Variants in ZSWIM5 observed in about 807,000 individuals in gnomAD.
ZSWIM5 encodes the protein zinc finger SWIM-type containing 5.
In ZSWIM5, 55 loss-of-function variants were observed where a neutral mutation model predicts 119.6. That is an observed-to-expected ratio of 0.46 (90% CI 0.37 to 0.58). The LOEUF (loss-of-function observed/expected upper bound fraction) is 0.58. Among genes scored for constraint, ZSWIM5 ranks in the 20% least tolerant of loss-of-function variants. ZSWIM5 has a pLI of 0.00. For synonymous variants in ZSWIM5, 537 were observed against 606.9 expected (o/e 0.88, Z 1.69); for missense variants, 1,193 against 1,512.8 (o/e 0.79, Z 3.51).
At chr1:45,111,167 C>T (rs761125790) in intron 1 of ZSWIM5, among the ~76,000 whole-genome samples, 17 of 152,086 alleles carry the variant, frequency 1.1e-4, no homozygotes, top group East Asian at 1.9e-4. Flanking sequence ...CAGGCAGAAG[C>T]GACATTTGAG....
intron 11 of ZSWIM5, among the ~76,000 whole-genome samples, chr1:45,023,761 A>G (rs987963321): frequency 9.9e-5 from 15 of 152,216 alleles, no homozygotes; most frequent in African/African-American, 3.6e-4. Context: ...CAGTAATACT[A>G]TGTTGATCTT....
chr1:45,176,823 AC>A (rs1213180462), intron 1 of ZSWIM5, among the ~76,000 whole-genome samples: 5 of 151,924 alleles, frequency 3.3e-5, no homozygotes, highest in South Asian at 4.2e-4. Context: ...TCACCCCTAT[AC>A]AAAAGTCATC....
rs537136157 is a variant in ZSWIM5 at position 45,206,118 on chromosome 1, G to T, written c.233C>A (p.Ala78Glu). 2.7e-5 allele frequency: 44 copies of T among 1,611,444 alleles called. No homozygotes were observed. In the South Asian group the frequency reaches 4.4e-4, roughly 16 times the overall value. The change falls in exon 1 of 14, where the codon GCA becomes GAA. Residue 78 changes from alanine (A) to glutamate (E), a missense_variant. By Grantham distance (107) the Ala-to-Glu change is moderately radical. Around this residue, in one of 2 missense-constraint regions of ZSWIM5, gnomAD observed 232 missense variants for 222.9 expected, o/e 1.04. Transcript: ENST00000359600. ...CAAKTVAEKW[A>E]YERVEERFER... ...GAAGCGCTCCTCCACCCGTTCGTAT[G>T]CCCACTTTTCCGCCACCGTCTTGGC...
chr1:45,183,803 T>C (rs368175392), intron 1 of ZSWIM5, among the ~76,000 whole-genome samples: 13 of 152,326 alleles, frequency 8.5e-5, no homozygotes, highest in African/African-American at 2.4e-4. Context: ...GATTCACAGC[T>C]GAATTCTACC....
At chr1:45,106,478 G>A (rs1287994069) in intron 1 of ZSWIM5, among the ~76,000 whole-genome samples, 4 of 146,516 alleles carry the variant, frequency 2.7e-5, no homozygotes, top group Middle Eastern at 4.1e-3. Flanking sequence ...AGTGGGGGGC[G>A]CCTCTGCCCG....
chr1:45,112,338 T>G (rs1476362163), intron 1 of ZSWIM5, among the ~76,000 whole-genome samples: 1 of 152,230 alleles, frequency 6.6e-6, no homozygotes, highest in Non-Finnish European at 1.5e-5. Context: ...TTTGTGATCT[T>G]CAGCAGGTTA....
At chr1:45,192,132 G>A (rs1646096442) in intron 1 of ZSWIM5, among the ~76,000 whole-genome samples, 1 of 152,096 alleles carries the variant, frequency 6.6e-6, no homozygotes, top group South Asian at 2.1e-4. Context: ...TTTTTATTGT[G>A]GTAAAATATA....
chr1:45,199,216 T>C (rs1487051057), intron 1 of ZSWIM5, among the ~76,000 whole-genome samples: 3 of 152,072 alleles, frequency 2.0e-5, no homozygotes, highest in Non-Finnish European at 4.4e-5. Context: ...GACTAAAGTA[T>C]ACAAAGTATG....
At chr1:45,033,376 C>A (rs1482046792) in intron 11 of ZSWIM5, among the ~76,000 whole-genome samples, 2 of 152,000 alleles carry the variant, frequency 1.3e-5, no homozygotes, top group Admixed American at 1.3e-4. Context: ...TAAGAAGATA[C>A]CACATAAAGT....
chr1:45,116,295 C>T (rs1645557696), intron 1 of ZSWIM5, among the ~76,000 whole-genome samples: 1 of 152,114 alleles, frequency 6.6e-6, no homozygotes, highest in Non-Finnish European at 1.5e-5. Flanking sequence ...ACTTTTCTCC[C>T]TAGAGAATAT....
chr1:45,033,361 G>A (rs1473163672), intron 11 of ZSWIM5, among the ~76,000 whole-genome samples: 1 of 151,886 alleles, frequency 6.6e-6, no homozygotes, highest in East Asian at 1.9e-4. Flanking sequence ...TTTTTGGGGG[G>A]ACAATAAGAA....
At chr1:45,153,388 C>T (rs1645809333) in intron 1 of ZSWIM5, among the ~76,000 whole-genome samples, 1 of 151,710 alleles carries the variant, frequency 6.6e-6, no homozygotes, top group Admixed American at 6.6e-5. Context: ...TGCCTGTAGT[C>T]ACCACTACTC....
intron 1 of ZSWIM5, among the ~76,000 whole-genome samples, chr1:45,189,097 C>T (rs749099259): frequency 5.9e-5 from 9 of 152,126 alleles, no homozygotes; most frequent in Non-Finnish European, 7.4e-5. Flanking sequence ...GGCAGATCAC[C>T]TGAGGTCAGG....
chr1:45,143,232 T>C (rs1349051635), intron 1 of ZSWIM5, among the ~76,000 whole-genome samples: 1 of 145,642 alleles, frequency 6.9e-6, no homozygotes, highest in East Asian at 2.0e-4. Flanking sequence ...TTCATGAACA[T>C]AGACACAAAA....
intron 1 of ZSWIM5, among the ~76,000 whole-genome samples, chr1:45,146,262 A>T (rs1645758820): frequency 6.6e-6 from 1 of 152,006 alleles, no homozygotes; most frequent in Non-Finnish European, 1.5e-5. Flanking sequence ...ATAGAGAATA[A>T]AAAGCTGATG....
At chr1:45,080,793 A>G (rs1334998810) in intron 2 of ZSWIM5, among the ~76,000 whole-genome samples, 5 of 152,162 alleles carry the variant, frequency 3.3e-5, no homozygotes. Context: ...ACCCCAGAGA[A>G]TCTTGGGGTA....
chr1:45,131,392 T>G (rs1338816060), intron 1 of ZSWIM5, among the ~76,000 whole-genome samples: 4 of 152,136 alleles, frequency 2.6e-5, no homozygotes, highest in African/African-American at 9.7e-5. Flanking sequence ...GGTGAGCCAA[T>G]GAACTCACAG....
At chr1:45,199,305 T>G (rs1646144927) in intron 1 of ZSWIM5, among the ~76,000 whole-genome samples, 1 of 151,786 alleles carries the variant, frequency 6.6e-6, no homozygotes, top group South Asian at 2.1e-4. Flanking sequence ...TTTTTTTTTT[T>G]TTTTTCTTTT....
Position 45,110,302 on chromosome 1 carries a change from C to T in ZSWIM5, c.596-22065G>A, listed in dbSNP as rs544807298. On this transcript the variant is annotated intron_variant, in intron 1 of 13. Coordinates refer to ENST00000359600, the MANE Select transcript of ZSWIM5 (RefSeq NM_020883.2). The stretch of plus-strand genomic sequence containing the variant: ...ATACAGACATCAAGAAAAAGAAAAG[C>T]CTTCTTCTGTGAGTTATAAAAATCA... Among the ~76,000 whole-genome samples, 6 of 152,282 alleles carry T rather than the reference C, an allele frequency of 3.9e-5. No homozygotes were observed. The South Asian group carries it at 1.2e-3, about 32-fold the overall frequency.
Sources: gnomAD v4.1 joint callset for allele counts (sites outside exome capture counted in the v4.1 genomes callset) on GRCh38, gnomAD v4.1.1 for gene constraint, gnomAD v4.1.1 regional missense constraint, MANE v1.5 for transcripts, NCBI Gene and HGNC (gene_info 2026-07-23, HGNC 2026-07-21) for gene names.